Variants in FOXP2 observed in about 807,000 individuals in gnomAD.
FOXP2 encodes the protein forkhead box P2.
In FOXP2, 12 loss-of-function variants were observed where a neutral mutation model predicts 115.8. The observed-to-expected ratio is 0.10, with a 90% CI of 0.07 to 0.17. The LOEUF (loss-of-function observed/expected upper bound fraction) is 0.17. FOXP2 is among the 10% of genes least tolerant of loss of function. The pLI, the probability that FOXP2 is intolerant of heterozygous loss-of-function variation, is 1.00. For synonymous variants in FOXP2, 328 were observed against 297.7 expected, an observed-to-expected ratio of 1.10 and a Z score of -1.05; for missense variants, 629 against 843.5, an observed-to-expected ratio of 0.75 and a Z score of 3.15.
At chr7:114,218,517 G>A (rs1042798440) in intron 1 of FOXP2, among the ~76,000 whole-genome samples, 1 of 152,162 alleles carries the variant, frequency 6.6e-6, no homozygotes, top group African/African-American at 2.4e-5. Context: ...GTTTTACACA[G>A]TGGGAGAGAC....
At chr7:114,194,421 C>T (rs1019493081) in intron 1 of FOXP2, among the ~76,000 whole-genome samples, 1 of 151,864 alleles carries the variant, frequency 6.6e-6, no homozygotes, top group African/African-American at 2.4e-5. Flanking sequence ...TTAAACATTA[C>T]TTCTTCTTAA....
chr7:114,629,518 C>A, intron 4 of FOXP2: 1 of 1,276,572 alleles, frequency 7.8e-7, no homozygotes, highest in Non-Finnish European at 1.1e-6. Context: ...AGTAGGACTT[C>A]AGATGTAATA....
intron 2 of FOXP2, among the ~76,000 whole-genome samples, chr7:114,403,629 A>G (rs1282405018): frequency 6.6e-6 from 1 of 152,202 alleles, no homozygotes; most frequent in Non-Finnish European, 1.5e-5. Flanking sequence ...TGATACAAGG[A>G]TACTATAGCT....
intron 3 of FOXP2, among the ~76,000 whole-genome samples, chr7:114,587,477 ATG>A (rs543526832): frequency 4.6e-5 from 7 of 152,092 alleles, no homozygotes; most frequent in Non-Finnish European, 7.4e-5. Context: ...CATTGTGTGT[ATG>A]TGCCACATTT....
intron 3 of FOXP2, among the ~76,000 whole-genome samples, chr7:114,545,803 T>A (rs1387074362): frequency 6.6e-6 from 1 of 152,166 alleles, no homozygotes; most frequent in African/African-American, 2.4e-5. Context: ...CATCTAGAAA[T>A]CTTTTTTGCA....
At chr7:114,174,619 G>A (rs1293332434) in intron 1 of FOXP2, among the ~76,000 whole-genome samples, 2 of 151,894 alleles carry the variant, frequency 1.3e-5, no homozygotes, top group African/African-American at 2.4e-5. Context: ...GAGATGTATG[G>A]GAATATAAGA....
At chr7:114,640,333 A>G (rs1805455757) in intron 6 of FOXP2, among the ~76,000 whole-genome samples, 1 of 152,166 alleles carries the variant, frequency 6.6e-6, no homozygotes, top group Admixed American at 6.5e-5. Flanking sequence ...AATGGGTTGT[A>G]GTAACTTTGG....
upstream of FOXP2, among the ~76,000 whole-genome samples, chr7:114,162,241 C>G (rs1792860528): frequency 6.6e-6 from 1 of 152,044 alleles, no homozygotes; most frequent in Non-Finnish European, 1.5e-5. Flanking sequence ...TTTCTGTGTT[C>G]TTGTAAAGAA....
chr7:114,487,152 G>A (rs111549411), intron 2 of FOXP2, among the ~76,000 whole-genome samples: 3,871 of 152,220 alleles, frequency 0.025, 125 homozygotes, highest in African/African-American at 0.074. Flanking sequence ...AGAAATTTGC[G>A]TACATCCTCT....
intron 1 of FOXP2, among the ~76,000 whole-genome samples, chr7:114,101,185 G>A (rs1192093941): frequency 6.6e-6 from 1 of 152,086 alleles, no homozygotes; most frequent in Non-Finnish European, 1.5e-5. Context: ...CCCATGTTTA[G>A]GAAGCCCAGT....
At chr7:114,145,749 T>A (rs1298523854) in intron 1 of FOXP2, among the ~76,000 whole-genome samples, 1 of 152,124 alleles carries the variant, frequency 6.6e-6, no homozygotes, top group Non-Finnish European at 1.5e-5. Context: ...GCAGAGAACA[T>A]ATATGCAATT....
At chr7:114,098,079 G>C (rs1799688872) in intron 1 of FOXP2, among the ~76,000 whole-genome samples, 1 of 152,228 alleles carries the variant, frequency 6.6e-6, no homozygotes, top group Non-Finnish European at 1.5e-5. Flanking sequence ...GATAACAAGA[G>C]AGGTAAATAA....
In FOXP2 at chr7:114,099,579, TACAGTATTATTC is replaced by T. The variant is rs1162052638; in HGVS notation, c.-247+11748_-247+11759del. Among the ~76,000 whole-genome samples, 3 of 152,328 alleles carry T rather than the reference TACAGTATTATTC, an allele frequency of 2.0e-5. No individual in the cohort carries two copies. In the East Asian group the frequency reaches 5.8e-4, roughly 29 times the overall value. Reference sequence around the variant, plus strand: ...AAGATATCTGTACTCACATGCTCATTACAGTATTATTCACAGTAGCCAAGATATGGAAATAAG... The same window carrying T: ...AAGATATCTGTACTCACATGCTCATTACAGTAGCCAAGATATGGAAATAAG... On this transcript the variant is annotated intron_variant, in intron 1 of 19. Transcript: ENST00000635638.
chr7:114,160,525 C>T (rs139522643), upstream of FOXP2, among the ~76,000 whole-genome samples: 57 of 152,154 alleles, frequency 3.7e-4, no homozygotes, highest in African/African-American at 1.3e-3. Context: ...ATATACCAAG[C>T]TCTGTCCTAA....
At chr7:114,587,722 G>A (rs1802210341) in intron 3 of FOXP2, among the ~76,000 whole-genome samples, 1 of 151,134 alleles carries the variant, frequency 6.6e-6, no homozygotes, top group African/African-American at 2.4e-5. Flanking sequence ...TCAAAAATAT[G>A]TGAATAAAAT....
chr7:114,256,085 C>G (rs997674086), intron 1 of FOXP2, among the ~76,000 whole-genome samples: 1 of 152,074 alleles, frequency 6.6e-6, no homozygotes, highest in African/African-American at 2.4e-5. Flanking sequence ...CATTGCCATT[C>G]TGATTGGCAT....
At chr7:114,241,471 G>T (rs1209333538) in intron 1 of FOXP2, among the ~76,000 whole-genome samples, 1 of 152,080 alleles carries the variant, frequency 6.6e-6, no homozygotes, top group African/African-American at 2.4e-5. Flanking sequence ...ATGAAATTAT[G>T]TAGGGCTAAG....
chr7:114,663,685 C>T (rs1266014721), intron 15 of FOXP2, among the ~76,000 whole-genome samples, 166 bp downstream of exon 15: 2 of 151,432 alleles, frequency 1.3e-5, no homozygotes, highest in African/African-American at 4.9e-5. Context: ...ATTCAAGCTA[C>T]TTTTGATGTG....
intron 1 of FOXP2, among the ~76,000 whole-genome samples, chr7:114,163,428 CTTTG>C (rs1313443624): frequency 6.6e-6 from 1 of 151,600 alleles, no homozygotes; most frequent in Non-Finnish European, 1.5e-5. Flanking sequence ...TTGCTCTAAA[CTTTG>C]TTTTTTTTTC....
Sources: gnomAD v4.1 joint callset for allele counts (sites outside exome capture counted in the v4.1 genomes callset) on GRCh38, gnomAD v4.1.1 for gene constraint, MANE v1.5 for transcripts, NCBI Gene and HGNC (gene_info 2026-07-23, HGNC 2026-07-21) for gene names.